Variants in C1orf21 observed in about 807,000 individuals in gnomAD.
C1orf21 encodes chromosome 1 open reading frame 21.
Under a neutral mutation model 18.7 loss-of-function variants are expected in C1orf21, and 3 were observed. The observed-to-expected ratio is 0.16, with a 90% CI of 0.07 to 0.42. The LOEUF is 0.42. Among genes scored for constraint, C1orf21 ranks in the 10% least tolerant of loss-of-function variants. C1orf21 has a pLI of 0.99. For synonymous variants in C1orf21, 41 were observed against 46.4 expected (o/e 0.88, Z 0.47); for missense variants, 104 against 143.6 (o/e 0.72, Z 1.41).
chr1:184,566,654 T>C (rs1295701940), intron 3 of C1orf21: 1 of 397,090 alleles, frequency 2.5e-6, no homozygotes, highest in Non-Finnish European at 5.0e-6. Flanking sequence ...GCATAGTATG[T>C]AAGGGAAATT....
intron 1 of C1orf21, among the ~76,000 whole-genome samples, chr1:184,431,089 T>G (rs1304320290): frequency 6.6e-6 from 1 of 152,162 alleles, no homozygotes; most frequent in African/African-American, 2.4e-5. Context: ...TGTCTATTAT[T>G]GATATATAGG....
chr1:184,567,547 C>T lies in C1orf21; in HGVS notation c.190-23192C>T, dbSNP rs12065296. 1,154 of 511,246 alleles carry T rather than the reference C, an allele frequency of 2.3e-3. 39 individuals carry two copies. The East Asian group carries it at 0.052, about 23-fold the overall frequency. 31.7% of individuals were successfully genotyped at this position (511,246 alleles called of 1,614,324 possible). ...TCCTCCTTGACATCTGCTGTGGAAC[C>T]GGTGTGATCAGCCTCCCTCTGGATC... On this transcript the variant is annotated intron_variant, in intron 3 of 5. Transcript: ENST00000235307.
intron 3 of C1orf21, among the ~76,000 whole-genome samples, chr1:184,552,252 T>C (rs1193590147): frequency 6.6e-6 from 1 of 152,166 alleles, no homozygotes; most frequent in African/African-American, 2.4e-5. Context: ...TAGGAATAGA[T>C]AATTTGCAGA....
intron 1 of C1orf21, among the ~76,000 whole-genome samples, chr1:184,451,337 C>T (rs1257863712): frequency 6.6e-6 from 1 of 152,062 alleles, no homozygotes; most frequent in Non-Finnish European, 1.5e-5. Flanking sequence ...ATCTCCCAGA[C>T]TGGAGTGCAA....
At chr1:184,471,368 G>A (rs561973129) in intron 1 of C1orf21, among the ~76,000 whole-genome samples, 229 of 152,252 alleles carry the variant, frequency 1.5e-3, no homozygotes, top group Non-Finnish European at 2.7e-3. Context: ...AAAATTTTGA[G>A]GTTTCAGACT....
chr1:184,591,675 G>A lies in C1orf21; in HGVS notation c.266+860G>A, dbSNP rs181812241. ...CAAAAACTTAGCCGGGCATGGTGGC[G>A]GGCTCCTGTAGTCCCAGCTACTCGG... On this transcript the variant is annotated intron_variant, in intron 4 of 5. Coordinates refer to ENST00000235307, the MANE Select transcript of C1orf21 (RefSeq NM_030806.4). Among the ~76,000 whole-genome samples the A allele has an allele frequency of 2.2e-4, 33 of 152,104 alleles. No individual in the cohort carries two copies. In the East Asian group the frequency reaches 4.5e-3, roughly 21 times the overall value.
rs1264271625 is a variant in C1orf21, at chr1:184,625,908, G to C, written c.*6352G>C. ...AATAGACACATCCCTAACGGCGTGT[G>C]CCTGGTCCAGCCACATACAGCCACC... is the stretch of plus-strand genomic sequence containing the variant. On this transcript the variant is annotated 3_prime_UTR_variant, in exon 6 of 6. Coordinates refer to ENST00000235307, the MANE Select transcript of C1orf21 (RefSeq NM_030806.4). 6.6e-6 allele frequency: 1 copy of C among 152,138 alleles called. No homozygotes were observed. The highest frequency in any genetic ancestry group is 2.4e-5 in the African/African-American group (1 of 41,412). The allele number at this position is 152,138 out of a possible 1,614,324, so 9.4% of individuals were successfully genotyped here.
intron 3 of C1orf21, among the ~76,000 whole-genome samples, chr1:184,569,670 A>C (rs1659082132): frequency 1.3e-5 from 2 of 152,218 alleles, no homozygotes; most frequent in African/African-American, 4.8e-5. Flanking sequence ...CAGCCTGGGC[A>C]ATATAGCAAG....
intron 3 of C1orf21, among the ~76,000 whole-genome samples, chr1:184,574,733 T>A (rs1659162322): frequency 6.6e-6 from 1 of 152,226 alleles, no homozygotes; most frequent in Non-Finnish European, 1.5e-5. Context: ...GTGCTTATTA[T>A]ATCTTTAATG....
At chr1:184,615,041 CTT>C (rs1659800168) in intron 5 of C1orf21, among the ~76,000 whole-genome samples, 1 of 152,196 alleles carries the variant, frequency 6.6e-6, no homozygotes, top group Non-Finnish European at 1.5e-5. Flanking sequence ...GGAACAGTTT[CTT>C]AAAGTCACTC....
At chr1:184,586,829 TTGA>T (rs1659360869) in intron 3 of C1orf21, among the ~76,000 whole-genome samples, 2 of 152,226 alleles carry the variant, frequency 1.3e-5, no homozygotes, top group Non-Finnish European at 2.9e-5. Flanking sequence ...GCAGTTGTTT[TTGA>T]TGTCTTTGTC....
intron 3 of C1orf21, among the ~76,000 whole-genome samples, chr1:184,538,563 G>A (rs1032401266): frequency 1.3e-5 from 2 of 152,070 alleles, no homozygotes; most frequent in South Asian, 2.1e-4. Context: ...TTTGCCTTAT[G>A]CTTTCTAATA....
At chr1:184,608,707 A>G (rs1304438858) in intron 5 of C1orf21, among the ~76,000 whole-genome samples, 1 of 152,146 alleles carries the variant, frequency 6.6e-6, no homozygotes, top group Non-Finnish European at 1.5e-5. Context: ...TTATCCTCCC[A>G]AAGTGCTCAT....
At chr1:184,491,323 AGT>A (rs1002529566) in intron 2 of C1orf21, among the ~76,000 whole-genome samples, 1 of 151,758 alleles carries the variant, frequency 6.6e-6, no homozygotes, top group African/African-American at 2.4e-5. Context: ...AGATATCATT[AGT>A]GTGTGTAGTA....
intron 1 of C1orf21, among the ~76,000 whole-genome samples, chr1:184,425,844 C>A (rs1457577776): frequency 6.6e-6 from 1 of 152,236 alleles, no homozygotes; most frequent in Non-Finnish European, 1.5e-5. Context: ...TTATCTCAGT[C>A]CGCCTTGAAT....
intron 1 of C1orf21, among the ~76,000 whole-genome samples, chr1:184,411,452 C>T (rs1377811947): frequency 3.2e-5 from 4 of 125,016 alleles, no homozygotes; most frequent in African/African-American, 6.1e-5. Flanking sequence ...GACGGAGTCT[C>T]ACTCTGTCGC....
intron 3 of C1orf21, chr1:184,567,525 T>A (rs1659051498): frequency 1.9e-6 from 1 of 526,970 alleles, no homozygotes; most frequent in South Asian, 1.4e-5. Context: ...AACACCATCC[T>A]CCTTGACATC....
chr1:184,590,902 A>G (rs909758990), intron 4 of C1orf21, 87 bp downstream of exon 4: 10 of 1,203,818 alleles, frequency 8.3e-6, no homozygotes, highest in Non-Finnish European at 1.2e-5. Flanking sequence ...CCATGGATCA[A>G]AAATATTCAA....
At chr1:184,464,074 T>C (rs982787290) in intron 1 of C1orf21, among the ~76,000 whole-genome samples, 1 of 152,226 alleles carries the variant, frequency 6.6e-6, no homozygotes, top group Non-Finnish European at 1.5e-5. Flanking sequence ...GCAAGATGCC[T>C]ATAAAAAGCT....
Sources: allele counts gnomAD v4.1 joint callset (sites outside exome capture counted in the v4.1 genomes callset), GRCh38; gene constraint gnomAD v4.1.1; transcripts MANE v1.5; gene names NCBI Gene and HGNC (gene_info 2026-07-23, HGNC 2026-07-21).